NRXN2: variants seen among roughly 807,000 people sequenced by gnomAD.
NRXN2 encodes the protein neurexin-2-beta.
NRXN2 carries 29 observed loss-of-function variants against 128.8 expected under a neutral mutation model. The observed-to-expected ratio is 0.23, with a 90% CI of 0.17 to 0.31. The LOEUF is 0.31. Ranked by LOEUF, NRXN2 falls within the 10% of genes least tolerant of loss-of-function variation. The probability of loss-of-function intolerance (pLI) is 1.00; values close to 1 mark genes in which losing one functional copy is unlikely to be tolerated. For synonymous variants in NRXN2, 1,098 were observed against 1,075.2 expected (o/e 1.02, Z -0.41); for missense variants, 1,881 against 2,452.6 (o/e 0.77, Z 4.92).
intron 2 of NRXN2, among the ~76,000 whole-genome samples, chr11:64,700,466 T>C (rs182178919): frequency 2.0e-5 from 3 of 152,368 alleles, no homozygotes; most frequent in Admixed American, 2.0e-4. Flanking sequence ...AGCCATGTGC[T>C]GGGCACCGTA....
At chr11:64,645,325 G>T (rs1175346865) in intron 17 of NRXN2, among the ~76,000 whole-genome samples, 1 of 152,098 alleles carries the variant, frequency 6.6e-6, no homozygotes, top group Non-Finnish European at 1.5e-5. Flanking sequence ...GAGATGGGGG[G>T]GCCAAGGCTG....
At chr11:64,640,853 G>C (rs1050757755) in intron 17 of NRXN2, among the ~76,000 whole-genome samples, 3 of 152,176 alleles carry the variant, frequency 2.0e-5, no homozygotes, top group African/African-American at 7.2e-5. Context: ...ACAGGGGCAG[G>C]ATTGGGAAGC....
chr11:64,613,637 C>T (rs2041014065), intron 22 of NRXN2, among the ~76,000 whole-genome samples: 2 of 152,226 alleles, frequency 1.3e-5, no homozygotes, highest in African/African-American at 4.8e-5. Flanking sequence ...CCCTTGGCAG[C>T]AGAGCCACCT....
At position 64,648,405 on chromosome 11, in the gene NRXN2, G is replaced by T. The variant is rs2047013258; in HGVS notation, c.3284-67C>A. 6.2e-7 allele frequency: 1 copy of T among 1,611,534 alleles called. No individual in the cohort carries two copies. The highest frequency in any genetic ancestry group is 1.1e-5 in the South Asian group (1 of 90,932). On this transcript the variant is annotated intron_variant, in intron 16 of 22. Coordinates refer to ENST00000265459, the MANE Select transcript of NRXN2 (RefSeq NM_015080.4). The surrounding 1 kb of genome is among the most constrained non-coding windows in gnomAD (Gnocchi z 4.1). ...GCCCCCTCTTTCCCCAGGAGGTGTG[G>T]AAGCTTCAGAGCCAGGCAGAGAGGT...
intron 11 of NRXN2, 150 bp from the exon 12 acceptor site, chr11:64,653,872 CTCT>C: frequency 1.6e-6 from 1 of 625,124 alleles, no homozygotes; most frequent in South Asian, 1.9e-5. Flanking sequence ...CCCAGGTGCC[CTCT>C]TCCCTTCCTC....
intron 17 of NRXN2, among the ~76,000 whole-genome samples, chr11:64,640,493 G>C (rs1450660986): frequency 6.6e-6 from 1 of 152,128 alleles, no homozygotes; most frequent in East Asian, 1.9e-4. Flanking sequence ...GGCAACACTG[G>C]GCCTCAAGGG....
At chr11:64,663,338 G>T (rs952861591) in intron 9 of NRXN2, among the ~76,000 whole-genome samples, 3 of 150,170 alleles carry the variant, frequency 2.0e-5, no homozygotes, top group African/African-American at 7.4e-5. Context: ...CTACACTCCA[G>T]CCTGGCAGCC....
chr11:64,687,422 G>A (rs979197727), intron 5 of NRXN2, among the ~76,000 whole-genome samples: 18 of 152,176 alleles, frequency 1.2e-4, no homozygotes, highest in Admixed American at 8.5e-4. Flanking sequence ...CACTGCCTCC[G>A]GATGCCAAGG....
intron 18 of NRXN2, among the ~76,000 whole-genome samples, chr11:64,634,963 G>A (rs899438861): frequency 4.6e-5 from 7 of 152,192 alleles, no homozygotes; most frequent in Admixed American, 3.9e-4. Flanking sequence ...GAATGGCCTG[G>A]AAGTCCCAAA....
At chr11:64,621,573 G>T (rs990179862) in intron 21 of NRXN2, among the ~76,000 whole-genome samples, 2 of 152,100 alleles carry the variant, frequency 1.3e-5, no homozygotes, top group Non-Finnish European at 2.9e-5. Context: ...CAGGGAGGAG[G>T]GGTCTTAAAG....
chr11:64,661,286 T>G (rs1373793268), intron 9 of NRXN2, 147 bp from the exon 10 acceptor site: 2 of 1,524,538 alleles, frequency 1.3e-6, no homozygotes, highest in Non-Finnish European at 1.8e-6. Flanking sequence ...AGTCCTGGGC[T>G]GGAAGCTCGG....
Position 64,606,898 on chromosome 11 carries a change from T to A in NRXN2, c.*298A>T. On this transcript the variant is annotated 3_prime_UTR_variant, in exon 23 of 23. Transcript: ENST00000265459. ...TCCTTCCCACCCAACCCCACCAAAA[T>A]AAAACTACCCCCTTAAAAAAATAAA... The A allele has an allele frequency of 2.7e-6, 1 of 372,372 alleles. No homozygotes were observed. Among genetic ancestry groups the A allele is most frequent in the Non-Finnish European group, 4.9e-6 (1 of 203,536 alleles). 23.1% of individuals were successfully genotyped at this position (372,372 alleles called of 1,614,324 possible). A position where few individuals can be genotyped will look rare whatever the true frequency, so the allele number is the denominator to read the frequency against.
rs186244624 is a variant in NRXN2, at chr11:64,679,815, T to A, written c.1153-2778A>T. ...CAGACCCAGTCCAATGGAGATCATG[T>A]TTATGGGGGCAATTGTTGTGAAATA... On this transcript the variant is annotated intron_variant, in intron 6 of 22. Coordinates refer to ENST00000265459, the MANE Select transcript of NRXN2 (RefSeq NM_015080.4). 3.4e-4 allele frequency among the ~76,000 whole-genome samples: 51 copies of A among 152,188 alleles called. 1 individual carries two copies. The highest frequency in any genetic ancestry group is 3.3e-3 in the Admixed American group (50 of 15,294).
At chr11:64,649,337 G>A (rs780297617) in intron 15 of NRXN2, among the ~76,000 whole-genome samples, 3 of 152,110 alleles carry the variant, frequency 2.0e-5, no homozygotes, top group Non-Finnish European at 4.4e-5. Context: ...CTCTCCTAGG[G>A]AGTTCAAAGC....
chr11:64,666,750 A>C (rs1343733200), intron 9 of NRXN2, among the ~76,000 whole-genome samples: 1 of 151,784 alleles, frequency 6.6e-6, no homozygotes. Context: ...TTTTTAGTAG[A>C]GATGGGGTTT....
intron 7 of NRXN2, among the ~76,000 whole-genome samples, chr11:64,674,383 G>C (rs1206398687): frequency 2.0e-5 from 3 of 151,986 alleles, no homozygotes; most frequent in Non-Finnish European, 4.4e-5. Flanking sequence ...GTAGAGACAG[G>C]TTTTCACCAT....
chr11:64,635,145 G>A lies in NRXN2; in HGVS notation c.3585+126C>T. On this transcript the variant is annotated intron_variant, in intron 18 of 22. Coordinates refer to ENST00000265459, the MANE Select transcript of NRXN2 (RefSeq NM_015080.4). This position sits in a 1 kb window ranked among gnomAD's most constrained non-coding sequence, Gnocchi z 4.8. ...CTTAGCAGGAAGCTCCAGCAATGAG[G>A]GAACAGAGGTTCTGAGGGTTCCCCA... The A allele has an allele frequency of 9.4e-7, 1 of 1,061,550 alleles. No homozygotes were observed. The highest frequency in any genetic ancestry group is 1.4e-6 in the Non-Finnish European group (1 of 701,950). The allele number at this position is 1,061,550 out of a possible 1,614,324, so 65.8% of individuals were successfully genotyped here.
chr11:64,615,866 GTGTA>G (rs879625716), intron 22 of NRXN2, among the ~76,000 whole-genome samples: 33,697 of 150,314 alleles, frequency 0.22, 3,938 homozygotes, highest in East Asian at 0.47. Context: ...GTGTGTGTGT[GTGTA>G]TGTGTATACC....
intron 2 of NRXN2, among the ~76,000 whole-genome samples, chr11:64,710,869 C>T (rs1465823746): frequency 6.6e-6 from 1 of 152,118 alleles, no homozygotes; most frequent in East Asian, 1.9e-4. Flanking sequence ...CACTGCCAGA[C>T]TCGCGGGCCT....
Sources: gnomAD v4.1 joint callset for allele counts (sites outside exome capture counted in the v4.1 genomes callset) on GRCh38, gnomAD v4.1.1 for gene constraint, Gnocchi (gnomAD v3.1) non-coding constraint, MANE v1.5 for transcripts, NCBI Gene and HGNC (gene_info 2026-07-23, HGNC 2026-07-21) for gene names.